Variants in DNMT3L observed in about 807,000 individuals in gnomAD.
DNMT3L encodes the protein DNA (cytosine-5)-methyltransferase 3-like.
A neutral mutation model predicts 36.2 loss-of-function variants in DNMT3L; 33 were observed. The observed-to-expected ratio is 0.91, with a 90% confidence interval of 0.69 to 1.22. DNMT3L has a LOEUF of 1.22. Ranked by LOEUF, DNMT3L falls within the 50% of genes most tolerant of loss-of-function variation. The probability of loss-of-function intolerance (pLI) is 0.00; values close to 1 mark genes in which losing one functional copy is unlikely to be tolerated. For synonymous variants in DNMT3L, 117 were observed against 121.7 expected, an observed-to-expected ratio of 0.96 and a Z score of 0.26; for missense variants, 310 against 303.1, an observed-to-expected ratio of 1.02 and a Z score of -0.17.
intron 6 of DNMT3L, among the ~76,000 whole-genome samples, chr21:44,256,838 G>A (rs969142957): frequency 3.9e-5 from 6 of 152,190 alleles, no homozygotes; most frequent in Non-Finnish European, 5.9e-5. Flanking sequence ...AAACTCGGGG[G>A]CCTCGGCTTT....
intron 8 of DNMT3L, among the ~76,000 whole-genome samples, 185 bp downstream of exon 8, chr21:44,254,432 C>T (rs1228962857): frequency 1.3e-5 from 2 of 152,300 alleles, no homozygotes; most frequent in African/African-American, 2.4e-5. Flanking sequence ...GCTGGGCCGG[C>T]GGGGTTGGGC....
At chr21:44,260,716 C>T (rs2040309676) in intron 3 of DNMT3L, 79 bp downstream of exon 3, 1 of 1,595,210 alleles carries the variant, frequency 6.3e-7, no homozygotes, top group African/African-American at 1.3e-5. Flanking sequence ...CATTGGTCTC[C>T]CAAAGTGCTG....
At chr21:44,257,831 G>A (rs936244391) in intron 6 of DNMT3L, among the ~76,000 whole-genome samples, 8 of 152,236 alleles carry the variant, frequency 5.3e-5, no homozygotes, top group Admixed American at 2.0e-4. Flanking sequence ...CTCAGAAGGC[G>A]CCAGGCAAGG....
At chr21:44,259,750 G>T (rs952631295) in intron 3 of DNMT3L, 39 bp from the exon 4 acceptor site, 1 of 1,579,722 alleles carries the variant, frequency 6.3e-7, no homozygotes, top group Non-Finnish European at 8.6e-7. Flanking sequence ...TTTTCCCAGT[G>T]CTGTCAAATA....
intron 2 of DNMT3L, 36 bp from the exon 3 acceptor site, chr21:44,260,875 T>C (rs1461148656): frequency 6.2e-7 from 1 of 1,612,646 alleles, no homozygotes; most frequent in Non-Finnish European, 8.5e-7. Flanking sequence ...CCTTTCTTCT[T>C]CCTCTGATCT....
Position 44,258,623 on chromosome 21 carries a change from T to C in DNMT3L, c.416A>G (p.Asn139Ser), listed in dbSNP as rs769502873. The C allele has an allele frequency of 2.2e-5, 35 of 1,612,766 alleles. No homozygotes were observed. The highest frequency in any genetic ancestry group is 2.9e-5 in the Non-Finnish European group (34 of 1,179,928). ...CGGCAGGCACAGGTAGCACACCCAG[T>C]TGCTCATGGCGTGCACCTTCCCCGA... ...GTSGKVHAMS[N>S]WVCYLCLPSS... Residue 139 changes from asparagine to serine, a missense_variant, in exon 6 of 12, where the codon AAC (asparagine) becomes AGC (serine). Transcript: ENST00000628202. This position sits in a 1 kb window ranked among gnomAD's most constrained non-coding sequence, Gnocchi z 6.2.
intron 1 of DNMT3L, 36 bp from the exon 2 acceptor site, chr21:44,261,302 C>T (rs1314540990): frequency 6.3e-7 from 1 of 1,593,010 alleles, no homozygotes; most frequent in Admixed American, 1.7e-5. Context: ...TGTGAGAAAG[C>T]CGTCAGCCCC....
rs1188266290 is a variant in DNMT3L at position 44,257,660 on chromosome 21, G to T, written c.516+863C>A. ...CCCGCCACTGCACTCCAGCCTGGGCGACAGAGCGAGACTCCGTCTCAAAAA... is the reference window on the plus strand; with the variant it reads ...CCCGCCACTGCACTCCAGCCTGGGCTACAGAGCGAGACTCCGTCTCAAAAA... On this transcript the variant is annotated intron_variant, in intron 6 of 11. Coordinates refer to ENST00000628202, the MANE Select transcript of DNMT3L (RefSeq NM_175867.3). Among the ~76,000 whole-genome samples, 3 of 141,848 alleles carry T rather than the reference G, an allele frequency of 2.1e-5. No individual in the cohort carries two copies. The East Asian group carries it at 6.1e-4, about 29-fold the overall frequency. The allele number at this position is 141,848 out of a possible 152,430, so 93.1% of individuals were successfully genotyped here.
chr21:44,257,045 C>T (rs909927239), intron 6 of DNMT3L, among the ~76,000 whole-genome samples: 20 of 152,204 alleles, frequency 1.3e-4, no homozygotes, highest in African/African-American at 4.8e-4. Flanking sequence ...GGGGCCACAC[C>T]CCTTCTGTAG....
chr21:44,259,378 C>T, intron 5 of DNMT3L, 59 bp downstream of exon 5: 2 of 1,538,142 alleles, frequency 1.3e-6, no homozygotes, highest in Non-Finnish European at 9.0e-7. Context: ...GAATGAGTAG[C>T]TGAAAGGATG....
chr21:44,257,226 A>G (rs2053397979), intron 6 of DNMT3L, among the ~76,000 whole-genome samples: 1 of 152,172 alleles, frequency 6.6e-6, no homozygotes, highest in Non-Finnish European at 1.5e-5. Context: ...CTAAAAGTAC[A>G]GAATTAGCCG....
At chr21:44,257,688 A>AAT (rs1555868278) in intron 6 of DNMT3L, among the ~76,000 whole-genome samples, 1 of 51,302 alleles carries the variant, frequency 1.9e-5, no homozygotes, top group Non-Finnish European at 3.6e-5. Flanking sequence ...CTCAAAAAAA[A>AAT]AAAAAAAATA....
chr21:44,256,581 C>T (rs113096304), intron 6 of DNMT3L, among the ~76,000 whole-genome samples: 116 of 150,504 alleles, frequency 7.7e-4, no homozygotes, highest in African/African-American at 2.6e-3. Flanking sequence ...CCCGCCACCA[C>T]GCCCGGCTAA....
rs1447164848 is a variant in DNMT3L at position 44,261,790 on chromosome 21, C to T, written c.-58G>A. The T allele has an allele frequency of 1.3e-5, 2 of 154,166 alleles. No homozygotes were observed. Among genetic ancestry groups the T allele is most frequent in the African/African-American group, 2.4e-5 (1 of 41,436 alleles). The allele number at this position is 154,166 out of a possible 1,614,324, so 9.5% of individuals were successfully genotyped here. A position where few individuals can be genotyped will look rare whatever the true frequency, so the allele number is the denominator to read the frequency against. On this transcript the variant is annotated 5_prime_UTR_variant, in exon 1 of 12. The change creates a premature stop within an existing upstream ORF in the 5' untranslated region. Coordinates refer to ENST00000628202, the MANE Select transcript of DNMT3L (RefSeq NM_175867.3). Reference sequence around the variant, plus strand: ...CAGCCAGCTGGTGGGTTCAAGGTTCCAGTGGTCCGGGGCTTCCAGGCTCAG... The same window carrying T: ...CAGCCAGCTGGTGGGTTCAAGGTTCTAGTGGTCCGGGGCTTCCAGGCTCAG...
chr21:44,256,762 G>T (rs1224145066), intron 6 of DNMT3L, among the ~76,000 whole-genome samples: 1 of 152,070 alleles, frequency 6.6e-6, no homozygotes. Context: ...CCAACCTGAT[G>T]GGCTAGGCGG....
Position 44,258,812 on chromosome 21 carries a change from TG to T in DNMT3L, c.345-119del, listed in dbSNP as rs1249909495. The T allele has an allele frequency of 2.9e-6, 4 of 1,368,948 alleles. No individual in the cohort carries two copies. The highest frequency in any genetic ancestry group is 3.9e-6 in the Non-Finnish European group (4 of 1,022,324). The allele number at this position is 1,368,948 out of a possible 1,614,324, so 84.8% of individuals were successfully genotyped here. A position where few individuals can be genotyped will look rare whatever the true frequency, so the allele number is the denominator to read the frequency against. ...GGAAAAGTCACGCTGGAGCTCCCTT[TG>T]GGAAGACCAGGTGGTGGACTGGGAA... On this transcript the variant is annotated intron_variant, in intron 5 of 11. Transcript: ENST00000628202. The surrounding 1 kb of genome is among the most constrained non-coding windows in gnomAD (Gnocchi z 6.2).
In DNMT3L at chr21:44,258,804, G is replaced by A; in HGVS notation, c.345-110C>T. 7.0e-7 allele frequency: 1 copy of A among 1,425,114 alleles called. No individual in the cohort carries two copies. The allele number at this position is 1,425,114 out of a possible 1,614,324, so 88.3% of individuals were successfully genotyped here. On this transcript the variant is annotated intron_variant, in intron 5 of 11. Coordinates refer to ENST00000628202, the MANE Select transcript of DNMT3L (RefSeq NM_175867.3). The surrounding 1 kb of genome is among the most constrained non-coding windows in gnomAD (Gnocchi z 6.2). ...TTTTGGAGGGAAAAGTCACGCTGGA[G>A]CTCCCTTTGGGAAGACCAGGTGGTG...
intron 6 of DNMT3L, 46 bp from the exon 7 acceptor site, chr21:44,256,200 C>G: frequency 2.1e-5 from 34 of 1,592,088 alleles, no homozygotes; most frequent in Non-Finnish European, 2.9e-5. Flanking sequence ...GGCTACTTGG[C>G]TACAGAGCCC....
At chr21:44,261,394 C>T (rs544638527) in intron 1 of DNMT3L, 128 bp from the exon 2 acceptor site, 19 of 809,680 alleles carry the variant, frequency 2.3e-5, no homozygotes, top group South Asian at 6.7e-5. Flanking sequence ...TGAACCCCCG[C>T]GGTGACACCC....
Sources: gnomAD v4.1 joint callset for allele counts (sites outside exome capture counted in the v4.1 genomes callset) on GRCh38, gnomAD v4.1.1 for gene constraint, Gnocchi (gnomAD v3.1) non-coding constraint, MANE v1.5 for transcripts, NCBI Gene and HGNC (gene_info 2026-07-23, HGNC 2026-07-21) for gene names.